TRPC4: variants seen among roughly 807,000 people sequenced by gnomAD.
The protein encoded by TRPC4 is transient receptor potential cation channel subfamily C member 4.
Under a neutral mutation model 99.4 loss-of-function variants are expected in TRPC4, and 49 were observed. The observed-to-expected ratio is 0.49, with a 90% CI of 0.39 to 0.63. TRPC4 has a LOEUF of 0.63. Among genes scored for constraint, TRPC4 ranks in the 20% least tolerant of loss-of-function variants. The pLI is 0.00. For synonymous variants in TRPC4, 454 were observed against 425.9 expected, an observed-to-expected ratio of 1.07 and a Z score of -0.81; for missense variants, 898 against 1,152.9, an observed-to-expected ratio of 0.78 and a Z score of 3.20.
chr13:37,638,964 TC>T (rs1259038792), intron 10 of TRPC4, 75 bp downstream of exon 10: 1 of 1,478,732 alleles, frequency 6.8e-7, no homozygotes, highest in Non-Finnish European at 9.4e-7. Context: ...CATTTCCAGC[TC>T]TGATTTTAAA....
At chr13:37,867,789 G>T (rs1303403315) in intron 1 of TRPC4, among the ~76,000 whole-genome samples, 1 of 152,024 alleles carries the variant, frequency 6.6e-6, no homozygotes, top group Non-Finnish European at 1.5e-5. Flanking sequence ...CAATTAAAAT[G>T]ATGTAATAGT....
chr13:37,832,305 G>T (rs1958445071), intron 1 of TRPC4, among the ~76,000 whole-genome samples: 1 of 152,168 alleles, frequency 6.6e-6, no homozygotes, highest in African/African-American at 2.4e-5. Flanking sequence ...ACTTTGGGAG[G>T]CTGAGGCGGG....
chr13:37,682,929 T>C (rs1242056445), intron 4 of TRPC4, among the ~76,000 whole-genome samples: 1 of 150,498 alleles, frequency 6.6e-6, no homozygotes, highest in East Asian at 1.9e-4. Context: ...TATCTTTTTT[T>C]TTTTTTTTTT....
chr13:37,655,816 C>A (rs1952210147), intron 6 of TRPC4, among the ~76,000 whole-genome samples: 1 of 152,080 alleles, frequency 6.6e-6, no homozygotes, highest in Non-Finnish European at 1.5e-5. Flanking sequence ...ACTATCTGCT[C>A]CTTTTCATAG....
At position 37,795,186 on chromosome 13, in the gene TRPC4, T is replaced by C. The variant is rs538483330; in HGVS notation, c.-27-11826A>G. Among the ~76,000 whole-genome samples the C allele has an allele frequency of 6.2e-5, 7 of 112,852 alleles. 1 individual carries two copies. In the South Asian group the frequency reaches 1.9e-3, roughly 30 times the overall value. 74.0% of individuals were successfully genotyped at this position (112,852 alleles called of 152,430 possible). A position where few individuals can be genotyped will look rare whatever the true frequency, so the allele number is the denominator to read the frequency against. ...TTTTACAAATTCACACATGTATTTT[T>C]CTTTGTTATAAAATAATTCATCAAA... On this transcript the variant is annotated intron_variant, in intron 1 of 10. Transcript: ENST00000379705.
chr13:37,742,938 A>G (rs1052112037), intron 3 of TRPC4, among the ~76,000 whole-genome samples: 2 of 152,194 alleles, frequency 1.3e-5, no homozygotes, highest in Non-Finnish European at 1.5e-5. Context: ...TAATGCTATC[A>G]GTTATCCAAT....
At chr13:37,679,701 A>C (rs1369413960) in intron 4 of TRPC4, among the ~76,000 whole-genome samples, 3 of 152,192 alleles carry the variant, frequency 2.0e-5, no homozygotes, top group Non-Finnish European at 4.4e-5. Flanking sequence ...TTTACATCCT[A>C]GTTTCCCGTT....
chr13:37,649,081 AATC>A (rs1298998637), intron 8 of TRPC4, among the ~76,000 whole-genome samples: 5 of 152,114 alleles, frequency 3.3e-5, no homozygotes, highest in Non-Finnish European at 5.9e-5. Flanking sequence ...TGACAGCATT[AATC>A]ATCACTATCT....
chr13:37,691,536 T>C (rs1953712232), intron 4 of TRPC4, among the ~76,000 whole-genome samples: 1 of 152,226 alleles, frequency 6.6e-6, no homozygotes, highest in Non-Finnish European at 1.5e-5. Flanking sequence ...TCCTGTTATT[T>C]TAAATTAATA....
At chr13:37,655,026 T>C (rs1451864710) in intron 7 of TRPC4, 62 bp downstream of exon 7, 1 of 1,233,750 alleles carries the variant, frequency 8.1e-7, no homozygotes, top group East Asian at 2.8e-5. Flanking sequence ...GAAGATGGAG[T>C]ATAGCTAAGA....
chr13:37,649,658 C>T lies in TRPC4; in HGVS notation c.2079+1607G>A, dbSNP rs554201850. On this transcript the variant is annotated intron_variant, in intron 8 of 10. Transcript: ENST00000379705. ...CTGAGGCAGGAGAATGGCGTGAACCCGGAAGGCGGAGCTTGCAGAGTCGCG... is the reference window on the plus strand; with the variant it reads ...CTGAGGCAGGAGAATGGCGTGAACCTGGAAGGCGGAGCTTGCAGAGTCGCG... Among the ~76,000 whole-genome samples, 130 of 135,866 alleles carry T rather than the reference C, an allele frequency of 9.6e-4. No individual in the cohort carries two copies. The Middle Eastern group carries it at 0.013, about 13-fold the overall frequency. The allele number at this position is 135,866 out of a possible 152,430, so 89.1% of individuals were successfully genotyped here. A position where few individuals can be genotyped will look rare whatever the true frequency, so the allele number is the denominator to read the frequency against.
chr13:37,812,406 C>A (rs552690923), intron 1 of TRPC4, among the ~76,000 whole-genome samples: 1 of 151,562 alleles, frequency 6.6e-6, no homozygotes, highest in African/African-American at 2.4e-5. Context: ...CTAGAACTCA[C>A]AAAGATATTA....
At chr13:37,650,612 T>TACACACACAC (rs57068516) in intron 8 of TRPC4, among the ~76,000 whole-genome samples, 7,464 of 140,442 alleles carry the variant, frequency 0.053, 321 homozygotes, top group Admixed American at 0.13. Context: ...TCTCTCTCTA[T>TACACACACAC]ACACACACAC....
At chr13:37,740,491 A>G (rs1411244526) in intron 3 of TRPC4, among the ~76,000 whole-genome samples, 1 of 152,216 alleles carries the variant, frequency 6.6e-6, no homozygotes, top group African/African-American at 2.4e-5. Flanking sequence ...GCCATGATAT[A>G]CAGACAAGTA....
intron 1 of TRPC4, among the ~76,000 whole-genome samples, chr13:37,841,371 T>A (rs1009316898): frequency 2.6e-5 from 4 of 152,064 alleles, no homozygotes; most frequent in Non-Finnish European, 5.9e-5. Flanking sequence ...CCTTACCTTT[T>A]CCTTTTTAAA....
In TRPC4 at chr13:37,633,669, C is replaced by T. The variant is rs1457838178; in HGVS notation, c.*3234G>A. On this transcript the variant is annotated 3_prime_UTR_variant, in exon 11 of 11. Coordinates refer to ENST00000379705, the MANE Select transcript of TRPC4 (RefSeq NM_016179.4). The stretch of plus-strand genomic sequence containing the variant: ...CTAAAGTATTTCAAGTTGCTGTCTA[C>T]GTCAAGGCAAGAAAGTGAGTATGTT... 2.0e-5 allele frequency among the ~76,000 whole-genome samples: 3 copies of T among 152,164 alleles called. No individual in the cohort carries two copies. Among genetic ancestry groups the T allele is most frequent in the East Asian group, 3.9e-4 (2 of 5,178 alleles).
intron 2 of TRPC4, among the ~76,000 whole-genome samples, chr13:37,761,353 T>A (rs1184975695): frequency 6.6e-6 from 1 of 151,864 alleles, no homozygotes; most frequent in African/African-American, 2.4e-5. Flanking sequence ...CAGAAATCCA[T>A]GCAGCCTGAC....
At position 37,637,442 on chromosome 13, in the gene TRPC4, A is replaced by T. The variant is rs1593404694; in HGVS notation, c.2395T>A (p.Leu799Ile). ...GATCTCGGATGAATCAGGGTGGTTA[A>T]ATCAAAAAGGCTGAAATTCTTTTTC... ...DKKKNFSLFD[L>I]TTLIHPRSAA... The change falls in exon 11 of 11, where the codon TTA (leucine) becomes ATA (isoleucine). Residue 799 changes from leucine to isoleucine, a missense_variant. This residue lies in a region of TRPC4 where 346 missense variants were observed against 351.4 expected (regional missense o/e 0.98). Transcript: ENST00000379705. The T allele has an allele frequency of 6.2e-7, 1 of 1,613,690 alleles. No individual in the cohort carries two copies. The highest frequency in any genetic ancestry group is 8.5e-7 in the Non-Finnish European group (1 of 1,179,792).
At chr13:37,832,738 TA>T (rs964498243) in intron 1 of TRPC4, among the ~76,000 whole-genome samples, 12 of 152,032 alleles carry the variant, frequency 7.9e-5, no homozygotes, top group Non-Finnish European at 1.8e-4. Context: ...TTATATTGAA[TA>T]AAAAATAAGA....
Sources: allele counts gnomAD v4.1 joint callset (sites outside exome capture counted in the v4.1 genomes callset), GRCh38; gene constraint gnomAD v4.1.1; regional missense constraint gnomAD v4.1.1; transcripts MANE v1.5; gene names NCBI Gene and HGNC (gene_info 2026-07-23, HGNC 2026-07-21).